The following CYREN variants were observed in gnomAD, a reference collection of about 807,000 sequenced individuals.
CYREN encodes the protein cell cycle regulator of non-homologous end joining.
In CYREN, 7 loss-of-function variants were observed where a neutral mutation model predicts 9.7. The ratio of observed to expected loss-of-function variants is 0.72; its 90% CI spans 0.41 to 1.36. The LOEUF (loss-of-function observed/expected upper bound fraction) is 1.36. CYREN is among the 40% of genes most tolerant of loss of function. The pLI is 0.01. For missense variants in CYREN, 215 were observed against 198.1 expected (o/e 1.09, Z -0.51); for synonymous variants, 76 against 77.9 (o/e 0.98, Z 0.13).
chr7:135,131,816 A>T (rs1435161925), intron 2 of CYREN, among the ~76,000 whole-genome samples: 1 of 152,138 alleles, frequency 6.6e-6, no homozygotes, highest in East Asian at 1.9e-4. Context: ...TGACAAATAA[A>T]GAAAAAAAGA....
At chr7:135,154,197 G>T (rs1181390883) in intron 2 of CYREN, among the ~76,000 whole-genome samples, 1 of 151,990 alleles carries the variant, frequency 6.6e-6, no homozygotes, top group Non-Finnish European at 1.5e-5. Context: ...ATTTCTGATT[G>T]TGTTTATTTG....
At chr7:135,154,934 A>G (rs1469018648) in intron 2 of CYREN, among the ~76,000 whole-genome samples, 1 of 152,110 alleles carries the variant, frequency 6.6e-6, no homozygotes, top group Non-Finnish European at 1.5e-5. Context: ...TTGTGAGTGG[A>G]GTGTTAAAAG....
intron 2 of CYREN, among the ~76,000 whole-genome samples, chr7:135,139,985 T>G (rs1829423420): frequency 6.6e-6 from 1 of 152,168 alleles, no homozygotes; most frequent in South Asian, 2.1e-4. Context: ...TAGTTTGAAG[T>G]CAAGCAGTGT....
At chr7:135,162,457 C>T (rs971319727), downstream of CYREN, among the ~76,000 whole-genome samples, 2 of 152,164 alleles carry the variant, frequency 1.3e-5, no homozygotes, top group African/African-American at 4.8e-5. Flanking sequence ...AAGAGATACC[C>T]AGTAATTTGA....
intron 2 of CYREN, among the ~76,000 whole-genome samples, chr7:135,107,436 AG>A (rs1824904837): frequency 6.6e-6 from 1 of 152,236 alleles, no homozygotes; most frequent in African/African-American, 2.4e-5. Flanking sequence ...TTAATTAAAA[AG>A]AGCTTCTTGA....
chr7:135,105,530 T>G (rs1333135877), intron 2 of CYREN, among the ~76,000 whole-genome samples: 4 of 152,354 alleles, frequency 2.6e-5, no homozygotes, highest in Non-Finnish European at 1.5e-5. Context: ...TTGTAGAAGA[T>G]CAGATGGTTG....
intron 2 of CYREN, among the ~76,000 whole-genome samples, chr7:135,096,742 TGAAAGAAAGAAA>T (rs3038284): frequency 0.019 from 1,922 of 101,174 alleles, 24 homozygotes; most frequent in African/African-American, 0.037. Flanking sequence ...AGAGAAAGAA[TGAAAGAAAGAAA>T]GAAAGAAAGA....
At chr7:135,171,925 A>C (rs1436000346), upstream of CYREN, among the ~76,000 whole-genome samples, 1 of 152,266 alleles carries the variant, frequency 6.6e-6, no homozygotes, top group East Asian at 1.9e-4. Context: ...CACTGGCTGA[A>C]CACCGGGAAG....
chr7:135,120,518 C>A (rs1826990966), intron 2 of CYREN, among the ~76,000 whole-genome samples: 1 of 152,086 alleles, frequency 6.6e-6, no homozygotes. Flanking sequence ...GTTCACATTA[C>A]CCACAGGAAG....
At chr7:135,144,163 T>C (rs1319551701) in intron 2 of CYREN, among the ~76,000 whole-genome samples, 2 of 152,192 alleles carry the variant, frequency 1.3e-5, no homozygotes, top group African/African-American at 4.8e-5. Context: ...ACTGGATTCC[T>C]GGTCACCTTT....
chr7:135,138,535 A>G (rs932181909), intron 2 of CYREN, among the ~76,000 whole-genome samples: 2 of 152,170 alleles, frequency 1.3e-5, no homozygotes, highest in East Asian at 3.9e-4. Flanking sequence ...AAAGAGGTAG[A>G]ATTGATATAC....
At chr7:135,115,781 A>T (rs1183978879) in intron 2 of CYREN, 2 of 563,388 alleles carry the variant, frequency 3.5e-6, no homozygotes, top group Non-Finnish European at 6.2e-6. Context: ...AACACTGGAT[A>T]AATGAAGGAG....
chr7:135,159,942 T>A (rs1467971238), intron 2 of CYREN, among the ~76,000 whole-genome samples: 1 of 152,206 alleles, frequency 6.6e-6, no homozygotes, highest in African/African-American at 2.4e-5. Flanking sequence ...GGTGGAAACA[T>A]AAGTTGATTC....
chr7:135,140,609 T>A (rs1327322664), intron 2 of CYREN, among the ~76,000 whole-genome samples: 3 of 152,254 alleles, frequency 2.0e-5, no homozygotes, highest in Admixed American at 2.0e-4. Context: ...TGAGTAGCAG[T>A]GGTGCAAGTG....
rs1829670346 is a variant in CYREN at position 135,151,686 on chromosome 7, C to T, written n.356+17063G>A. Among the ~76,000 whole-genome samples, 1 of 152,204 alleles carries T rather than the reference C, an allele frequency of 6.6e-6. No homozygotes were observed. On this transcript the variant is annotated intron_variant and non_coding_transcript_variant, in intron 2 of 2. Coordinates refer to the CYREN transcript ENST00000459937. The surrounding 1 kb of genome is among the most constrained non-coding windows in gnomAD (Gnocchi z 4.3). ...AAGCCCTCTATATGTGAGTGAACTT[C>T]CTTCAGTCTCACAACAGCCCATGAG...
chr7:135,137,311 G>A (rs1829368652), intron 2 of CYREN, among the ~76,000 whole-genome samples: 1 of 152,078 alleles, frequency 6.6e-6, no homozygotes, highest in African/African-American at 2.4e-5. Context: ...GAAAGAGTCA[G>A]TATGCTTAAA....
chr7:135,115,284 G>A lies in CYREN; in HGVS notation n.357-20702C>T, dbSNP rs568700781. ...AAAGTACAAGCTTCAGATGGGCAAG[G>A]AATTTTAGATAAAATCCTTGGCATA... On this transcript the variant is annotated intron_variant and non_coding_transcript_variant, in intron 2 of 2. Coordinates refer to the CYREN transcript ENST00000459937. The A allele has an allele frequency of 3.9e-6, 3 of 771,340 alleles. No homozygotes were observed. In the African/African-American group the frequency reaches 5.3e-5, roughly 14 times the overall value. The allele number at this position is 771,340 out of a possible 1,614,324, so 47.8% of individuals were successfully genotyped here. A position where few individuals can be genotyped will look rare whatever the true frequency, so the allele number is the denominator to read the frequency against.
chr7:135,160,529 A>C (rs1249603055), intron 2 of CYREN, among the ~76,000 whole-genome samples: 1 of 152,110 alleles, frequency 6.6e-6, no homozygotes, highest in Non-Finnish European at 1.5e-5. Context: ...GCGAGGACTG[A>C]CTTCCACCCT....
upstream of CYREN, among the ~76,000 whole-genome samples, chr7:135,172,116 A>G (rs1830684638): frequency 6.6e-6 from 1 of 152,052 alleles, no homozygotes; most frequent in Non-Finnish European, 1.5e-5. Context: ...GCCCCACTCC[A>G]CGTGAGTGGA....
Sources: gnomAD v4.1 joint callset for allele counts (sites outside exome capture counted in the v4.1 genomes callset) on GRCh38, gnomAD v4.1.1 for gene constraint, Gnocchi (gnomAD v3.1) non-coding constraint, MANE v1.5 for transcripts, NCBI Gene and HGNC (gene_info 2026-07-23, HGNC 2026-07-21) for gene names.